PAM: variants seen among roughly 807,000 people sequenced by gnomAD.
PAM encodes the protein peptidyl-glycine alpha-amidating monooxygenase.
In PAM, 72 loss-of-function variants were observed where a neutral mutation model predicts 122.1. That is an observed-to-expected ratio of 0.59 (90% CI 0.49 to 0.72). The LOEUF (loss-of-function observed/expected upper bound fraction) is 0.72. Among genes scored for constraint, PAM ranks in the 30% least tolerant of loss-of-function variants. The pLI, the probability that PAM is intolerant of heterozygous loss-of-function variation, is 0.00. For synonymous variants in PAM, 389 were observed against 404.4 expected (o/e 0.96, Z 0.46); for missense variants, 1,106 against 1,183.7 (o/e 0.93, Z 0.96).
intron 16 of PAM, among the ~76,000 whole-genome samples, chr5:102,992,166 G>C (rs370547082): frequency 6.6e-6 from 1 of 152,194 alleles, no homozygotes; most frequent in African/African-American, 2.4e-5. Context: ...AGGTAACCAG[G>C]ATCCTGTGGA....
At chr5:102,958,085 G>A (rs1761358354) in intron 12 of PAM, among the ~76,000 whole-genome samples, 1 of 152,054 alleles carries the variant, frequency 6.6e-6, no homozygotes, top group Non-Finnish European at 1.5e-5. Flanking sequence ...TAGCTTTTTA[G>A]TAAGGAAAAA....
chr5:102,978,148 T>C (rs1768393441), intron 15 of PAM, among the ~76,000 whole-genome samples: 3 of 152,174 alleles, frequency 2.0e-5, no homozygotes, highest in Admixed American at 1.3e-4. Flanking sequence ...GACAGAGAAT[T>C]TTCTTGCAGT....
chr5:102,860,198 T>C (rs996206051), intron 1 of PAM, among the ~76,000 whole-genome samples: 1 of 151,876 alleles, frequency 6.6e-6, no homozygotes, highest in Non-Finnish European at 1.5e-5. Context: ...TTGGAGCCCA[T>C]ATTAGGTAAG....
intron 14 of PAM, among the ~76,000 whole-genome samples, chr5:102,966,875 T>C (rs1458866979): frequency 2.0e-5 from 3 of 152,114 alleles, no homozygotes; most frequent in African/African-American, 7.2e-5. Context: ...GAAGAACTAG[T>C]AATGTGTGTG....
chr5:102,850,455 T>G lies in PAM; in HGVS notation c.-373-15368T>G, dbSNP rs115538134. Among the ~76,000 whole-genome samples the G allele has an allele frequency of 2.2e-3, 330 of 152,326 alleles. 1 individual carries two copies. The highest frequency in any genetic ancestry group is 7.6e-3 in the African/African-American group (314 of 41,566). On this transcript the variant is annotated intron_variant, in intron 1 of 25. Coordinates refer to ENST00000438793, the MANE Select transcript of PAM (RefSeq NM_001177306.2). ...TTAACATTCTTTTTTCATGTAAATA[T>G]TTGAGTAATTTCTAAATTTAAGTCC...
intron 4 of PAM, among the ~76,000 whole-genome samples, chr5:102,912,326 A>G (rs1203234945): frequency 6.6e-6 from 1 of 152,030 alleles, no homozygotes; most frequent in Non-Finnish European, 1.5e-5. Flanking sequence ...GGATGATACA[A>G]TTAGACAACA....
At chr5:102,782,620 A>C (rs1185168108) in intron 1 of PAM, among the ~76,000 whole-genome samples, 1 of 152,016 alleles carries the variant, frequency 6.6e-6, no homozygotes, top group Non-Finnish European at 1.5e-5. Context: ...TCCCAAAGTC[A>C]ATATTTGGTT....
At chr5:102,965,519 T>C (rs200912188) in intron 14 of PAM, among the ~76,000 whole-genome samples, 2 of 152,100 alleles carry the variant, frequency 1.3e-5, no homozygotes, top group East Asian at 3.9e-4. Context: ...CCAGGCAGAA[T>C]TGAAAATCAA....
intron 1 of PAM, among the ~76,000 whole-genome samples, chr5:102,759,664 G>C (rs1021348764): frequency 6.6e-6 from 1 of 152,102 alleles, no homozygotes; most frequent in Non-Finnish European, 1.5e-5. Flanking sequence ...TCAACCTAGG[G>C]CCACCACTTT....
intron 17 of PAM, 70 bp downstream of exon 17, chr5:103,003,219 T>C (rs1777942169): frequency 2.8e-6 from 2 of 726,826 alleles, no homozygotes; most frequent in African/African-American, 1.7e-5. Context: ...TCATAGAGTC[T>C]TGAAATTCGA....
At chr5:102,813,085 A>T (rs1380466344) in intron 1 of PAM, among the ~76,000 whole-genome samples, 1 of 151,954 alleles carries the variant, frequency 6.6e-6, no homozygotes, top group East Asian at 1.9e-4. Context: ...GAAAAAAAAA[A>T]ACCTCACAGA....
intron 7 of PAM, among the ~76,000 whole-genome samples, chr5:102,931,004 A>G (rs535880406): frequency 3.3e-4 from 51 of 152,288 alleles, no homozygotes; most frequent in African/African-American, 1.2e-3. Flanking sequence ...CTGAGTTTCT[A>G]AACCTCTCTT....
intron 1 of PAM, among the ~76,000 whole-genome samples, chr5:102,840,349 T>G (rs997455735): frequency 1.3e-5 from 2 of 152,164 alleles, no homozygotes; most frequent in African/African-American, 4.8e-5. Flanking sequence ...ATGATTATTT[T>G]GTCTTGTAAG....
intron 1 of PAM, among the ~76,000 whole-genome samples, chr5:102,787,712 G>A (rs1377974432): frequency 6.6e-6 from 1 of 151,974 alleles, no homozygotes; most frequent in Non-Finnish European, 1.5e-5. Flanking sequence ...AGTTCCTTCA[G>A]AGTTACGAAT....
rs564741958 is a variant in PAM, at chr5:102,926,771, C to T, written c.526+103C>T. ...CATCTTAAAAAGAATTGCCCACACC[C>T]TCTGCCCACTAGGGGATAACAGCTT... On this transcript the variant is annotated intron_variant, in intron 7 of 25. Transcript: ENST00000438793. 50 of 650,846 alleles carry T rather than the reference C, an allele frequency of 7.7e-5. 1 individual carries two copies. Among genetic ancestry groups the T allele is most frequent in the Admixed American group, 2.0e-4 (8 of 39,150 alleles). The allele number at this position is 650,846 out of a possible 1,614,324, so 40.3% of individuals were successfully genotyped here.
At chr5:102,950,910 C>A (rs902114057) in intron 12 of PAM, 90 bp downstream of exon 12, 3 of 784,660 alleles carry the variant, frequency 3.8e-6, no homozygotes, top group African/African-American at 1.7e-5. Context: ...ATAAATTGTA[C>A]ATTTTTTGTC....
At chr5:102,908,403 G>A (rs1400997887) in intron 4 of PAM, among the ~76,000 whole-genome samples, 1 of 151,972 alleles carries the variant, frequency 6.6e-6, no homozygotes, top group African/African-American at 2.4e-5. Flanking sequence ...AAGTCAGGTA[G>A]TGTGATGCCT....
At chr5:102,959,109 G>C (rs1480601771) in intron 12 of PAM, among the ~76,000 whole-genome samples, 1 of 152,008 alleles carries the variant, frequency 6.6e-6, no homozygotes, top group Non-Finnish European at 1.5e-5. Flanking sequence ...TCTATCATTG[G>C]GAACTTTTTT....
chr5:102,969,408 C>A (rs146120456), intron 14 of PAM, among the ~76,000 whole-genome samples: 9 of 152,058 alleles, frequency 5.9e-5, no homozygotes, highest in Admixed American at 5.9e-4. Context: ...ACATCAGTTC[C>A]GTAGAGGTAG....
Sources: allele counts gnomAD v4.1 joint callset (sites outside exome capture counted in the v4.1 genomes callset), GRCh38; gene constraint gnomAD v4.1.1; transcripts MANE v1.5; gene names NCBI Gene and HGNC (gene_info 2026-07-23, HGNC 2026-07-21).